Variants in EPC1 observed in about 807,000 individuals in gnomAD.
EPC1 encodes the protein enhancer of polycomb homolog 1.
A neutral mutation model predicts 98.4 loss-of-function variants in EPC1; 12 were observed. That is an observed-to-expected ratio of 0.12 (90% confidence interval 0.08 to 0.20). The LOEUF (loss-of-function observed/expected upper bound fraction) is 0.20, where lower values mean the gene tolerates loss of function less well. Ranked by LOEUF, EPC1 falls within the 10% of genes least tolerant of loss-of-function variation. The pLI is 1.00. For missense variants in EPC1, 729 were observed against 990.5 expected (o/e 0.74, Z 3.54); for synonymous variants, 357 against 363.9 (o/e 0.98, Z 0.21).
rs1835837709 is a variant in EPC1, at chr10:32,271,417, G to A, written c.2369+137C>T. 4 of 990,270 alleles carry A rather than the reference G, an allele frequency of 4.0e-6. No individual in the cohort carries two copies. In the Admixed American group the frequency reaches 9.3e-5, roughly 23 times the overall value. 61.3% of individuals were successfully genotyped at this position (990,270 alleles called of 1,614,324 possible). On this transcript the variant is annotated intron_variant, in intron 13 of 13. Transcript: ENST00000319778. Reference sequence around the variant, plus strand: ...CTGTTTAGTTCTTGAATAAATAAGTGATCAATTCTCAACTATACATTTTCA... The same window carrying A: ...CTGTTTAGTTCTTGAATAAATAAGTAATCAATTCTCAACTATACATTTTCA...
rs372315971 is a variant in EPC1 at position 32,347,000 on chromosome 10, C to T, written c.-85G>A. On this transcript the variant is annotated 5_prime_UTR_variant, in exon 1 of 14. Transcript: ENST00000319778. ...GAGAACCGGGGGTTCGGTCCCCACT[C>T]GCCAACCGCTGCCGGGGACTTGAGG... 9 of 1,552,384 alleles carry T rather than the reference C, an allele frequency of 5.8e-6. No homozygotes were observed. Among genetic ancestry groups the T allele is most frequent in the South Asian group, 3.6e-5 (3 of 84,468 alleles).
chr10:32,346,743 A>C lies in EPC1; in HGVS notation c.153+20T>G, dbSNP rs1314386653. ...GGGAGCGGGCCTGACGGTGGGTCGG[A>C]CAGGGGAGTTAACACGTACCGACTC... On this transcript the variant is annotated intron_variant, in intron 1 of 13. Transcript: ENST00000319778. The C allele has an allele frequency of 1.2e-6, 2 of 1,611,184 alleles. No individual in the cohort carries two copies. Among genetic ancestry groups the C allele is most frequent in the South Asian group, 2.2e-5 (2 of 91,012 alleles).
chr10:32,297,299 T>TTA (rs370905443), intron 2 of EPC1, among the ~76,000 whole-genome samples: 1 of 151,136 alleles, frequency 6.6e-6, no homozygotes, highest in Non-Finnish European at 1.5e-5. Context: ...TTTTTTTTTT[T>TTA]AGATGGAGTT....
intron 1 of EPC1, among the ~76,000 whole-genome samples, chr10:32,363,551 C>T (rs1248832017): frequency 6.6e-6 from 1 of 152,138 alleles, no homozygotes; most frequent in African/African-American, 2.4e-5. Flanking sequence ...TACTAAAAAC[C>T]TAGACCTTTA....
intron 1 of EPC1, chr10:32,377,553 TGAC>T (rs1839895031): frequency 6.6e-6 from 1 of 152,226 alleles, no homozygotes; most frequent in South Asian, 2.1e-4. Flanking sequence ...CGGCTGGTTG[TGAC>T]GACATGTCTG....
chr10:32,343,800 CACGAATAAT>C (rs1214624496), intron 1 of EPC1, among the ~76,000 whole-genome samples: 1 of 151,714 alleles, frequency 6.6e-6, no homozygotes, highest in African/African-American at 2.4e-5. Flanking sequence ...AATGGGAATA[CACGAATAAT>C]ACTTATTTTC....
At chr10:32,341,959 G>A (rs1256600823) in intron 1 of EPC1, among the ~76,000 whole-genome samples, 1 of 152,208 alleles carries the variant, frequency 6.6e-6, no homozygotes, top group East Asian at 1.9e-4. Context: ...TAGGCATATG[G>A]TGGGAATCCA....
chr10:32,296,124 G>A (rs1042634276), intron 2 of EPC1, among the ~76,000 whole-genome samples: 3 of 151,864 alleles, frequency 2.0e-5, no homozygotes, highest in Non-Finnish European at 4.4e-5. Context: ...GTAGAGATGG[G>A]GTTTCACCAT....
rs374467471 is a variant in EPC1, at chr10:32,287,248, C to T, written c.1002G>A (p.Pro334=). The T allele has an allele frequency of 1.5e-5, 24 of 1,613,880 alleles. No homozygotes were observed. The highest frequency in any genetic ancestry group is 9.3e-5 in the African/African-American group (7 of 74,892). Residue 334 remains proline (P), a synonymous_variant, in exon 7 of 14, where the codon CCG becomes CCA. Transcript: ENST00000319778. ...TGGGCTTCTTTTCATATTTCCGTTT[C>T]GGTCGGATAAGATCGGCTTTATCTT... ...NKQDKADLIR[P]KRKYEKKPKV...
At chr10:32,366,479 AT>A (rs1839607278) in intron 1 of EPC1, among the ~76,000 whole-genome samples, 1 of 152,176 alleles carries the variant, frequency 6.6e-6, no homozygotes, top group Non-Finnish European at 1.5e-5. Flanking sequence ...AGAGTACTTT[AT>A]TTTCAATTAT....
intron 10 of EPC1, among the ~76,000 whole-genome samples, chr10:32,278,526 C>T (rs973136924): frequency 1.4e-4 from 20 of 145,036 alleles, no homozygotes; most frequent in South Asian, 9.3e-4. Context: ...GGACTACAGG[C>T]GCCCGCCACT....
intron 2 of EPC1, among the ~76,000 whole-genome samples, chr10:32,305,142 T>A (rs1835802211): frequency 6.6e-6 from 1 of 152,218 alleles, no homozygotes; most frequent in Non-Finnish European, 1.5e-5. Flanking sequence ...CACTATTAAG[T>A]GAAATAAGTT....
At chr10:32,302,146 G>C (rs774825512) in intron 2 of EPC1, among the ~76,000 whole-genome samples, 2 of 151,700 alleles carry the variant, frequency 1.3e-5, no homozygotes, top group African/African-American at 4.8e-5. Context: ...GGTGGCATGC[G>C]CCTGTGGTCC....
intron 2 of EPC1, among the ~76,000 whole-genome samples, chr10:32,304,100 T>G (rs1180736928): frequency 1.3e-5 from 2 of 152,230 alleles, no homozygotes; most frequent in African/African-American, 4.8e-5. Flanking sequence ...AATATTTGAT[T>G]ATAATGTCAG....
rs145126283 is a variant in EPC1 at position 32,280,706 on chromosome 10, C to T, written c.1744+3992G>A. ...TGAGCTGAGATCATGCCACTGCACTCCAGCCTGGGAGACAGAGCAAGACTC... is the reference window on the plus strand; with the variant it reads ...TGAGCTGAGATCATGCCACTGCACTTCAGCCTGGGAGACAGAGCAAGACTC... On this transcript the variant is annotated intron_variant, in intron 10 of 13. Coordinates refer to ENST00000319778, the MANE Select transcript of EPC1 (RefSeq NM_001272004.3). Among the ~76,000 whole-genome samples the T allele has an allele frequency of 8.0e-4, 121 of 152,172 alleles. 4 individuals carry two copies. The East Asian group carries it at 0.022, about 28-fold the overall frequency.
chr10:32,352,820 C>T (rs2505356), intron 1 of EPC1, among the ~76,000 whole-genome samples: 93,465 of 151,982 alleles, frequency 0.61, 29,839 homozygotes, highest in Middle Eastern at 0.74. Flanking sequence ...GTGTGACTGG[C>T]TTATGGCCAG....
intron 1 of EPC1, among the ~76,000 whole-genome samples, chr10:32,356,031 A>AGAGGAAT (rs202142612): frequency 0.026 from 3,900 of 152,298 alleles, 171 homozygotes; most frequent in African/African-American, 0.09. Context: ...AACAAAATTT[A>AGAGGAAT]GAGAAAAATT....
In EPC1 at chr10:32,308,195, A is replaced by G. The variant is rs562888355; in HGVS notation, c.154-2264T>C. 2.6e-5 allele frequency among the ~76,000 whole-genome samples: 4 copies of G among 152,308 alleles called. No individual in the cohort carries two copies. In the East Asian group the frequency reaches 7.7e-4, roughly 29 times the overall value. On this transcript the variant is annotated intron_variant, in intron 1 of 13. Coordinates refer to ENST00000319778, the MANE Select transcript of EPC1 (RefSeq NM_001272004.3). ...CAGGAGTTTGAGACCAGCCTGGCCAACATGGTGAAACCCCATCTCTACTAA... is the reference window on the plus strand; with the variant it reads ...CAGGAGTTTGAGACCAGCCTGGCCAGCATGGTGAAACCCCATCTCTACTAA...
intron 1 of EPC1, among the ~76,000 whole-genome samples, chr10:32,372,407 G>A (rs771881235): frequency 2.6e-5 from 4 of 152,144 alleles, no homozygotes; most frequent in Non-Finnish European, 4.4e-5. Flanking sequence ...TACATATTGC[G>A]AAATGGATGC....
Sources: allele counts gnomAD v4.1 joint callset (sites outside exome capture counted in the v4.1 genomes callset), GRCh38; gene constraint gnomAD v4.1.1; transcripts MANE v1.5; gene names NCBI Gene and HGNC (gene_info 2026-07-23, HGNC 2026-07-21).